The following EXOC6 variants were observed in gnomAD, a reference collection of about 807,000 sequenced individuals.
EXOC6 encodes the protein SEC15-like 1.
A neutral mutation model predicts 112.5 loss-of-function variants in EXOC6; 60 were observed. That is an observed-to-expected ratio of 0.53 (90% CI 0.43 to 0.66). The LOEUF (loss-of-function observed/expected upper bound fraction) is 0.66, where lower values mean the gene tolerates loss of function less well. Ranked by LOEUF, EXOC6 falls within the 30% of genes least tolerant of loss-of-function variation. The probability of loss-of-function intolerance (pLI) is 0.00; values close to 1 mark genes in which losing one functional copy is unlikely to be tolerated. For missense variants in EXOC6, 855 were observed against 957.1 expected, an observed-to-expected ratio of 0.89 and a Z score of 1.41; for synonymous variants, 295 against 308.0, an observed-to-expected ratio of 0.96 and a Z score of 0.44.
intron 8 of EXOC6, among the ~76,000 whole-genome samples, chr10:92,926,564 T>C (rs1851736224): frequency 1.3e-5 from 2 of 151,976 alleles, no homozygotes; most frequent in East Asian, 1.9e-4. Flanking sequence ...GATGAGGTCT[T>C]ACTCTGTTGC....
intron 19 of EXOC6, among the ~76,000 whole-genome samples, chr10:93,008,243 T>G (rs1361057889): frequency 5.9e-5 from 9 of 152,160 alleles, no homozygotes; most frequent in Admixed American, 3.3e-4. Flanking sequence ...ATGAATATCC[T>G]GAAGTTATTT....
chr10:92,988,833 ACACACACG>A (rs1414008915), intron 18 of EXOC6, among the ~76,000 whole-genome samples: 1 of 144,862 alleles, frequency 6.9e-6, no homozygotes, highest in Non-Finnish European at 1.5e-5. Flanking sequence ...ACACACACAC[ACACACACG>A]CATTTCTGAC....
chr10:93,016,843 G>A (rs188366448), intron 20 of EXOC6, among the ~76,000 whole-genome samples: 1 of 148,392 alleles, frequency 6.7e-6, no homozygotes, highest in Non-Finnish European at 1.5e-5. Flanking sequence ...ATGGCGTCTC[G>A]CTCTTGTCAC....
At chr10:92,897,597 G>A (rs1022875706) in intron 4 of EXOC6, among the ~76,000 whole-genome samples, 4 of 152,288 alleles carry the variant, frequency 2.6e-5, no homozygotes, top group East Asian at 1.9e-4. Context: ...TTTGCCCACT[G>A]GAAATTCCTT....
At chr10:92,902,273 T>G (rs1015265599) in intron 5 of EXOC6, among the ~76,000 whole-genome samples, 1 of 152,160 alleles carries the variant, frequency 6.6e-6, no homozygotes, top group Non-Finnish European at 1.5e-5. Flanking sequence ...TCTCATAATA[T>G]CCTTAAGCAT....
intron 18 of EXOC6, among the ~76,000 whole-genome samples, chr10:92,996,487 G>A (rs1035022233): frequency 6.6e-6 from 1 of 151,984 alleles, no homozygotes; most frequent in Non-Finnish European, 1.5e-5. Context: ...CGTGGTGGTG[G>A]GCACCTGTAG....
At chr10:92,905,657 A>AT (rs1486935005) in intron 5 of EXOC6, among the ~76,000 whole-genome samples, 1 of 151,958 alleles carries the variant, frequency 6.6e-6, no homozygotes, top group Non-Finnish European at 1.5e-5. Flanking sequence ...CCTTGTTCTT[A>AT]ATCTCATGGG....
intron 5 of EXOC6, among the ~76,000 whole-genome samples, chr10:92,906,567 G>A (rs940652941): frequency 6.6e-6 from 1 of 152,172 alleles, no homozygotes; most frequent in Non-Finnish European, 1.5e-5. Context: ...CACCTTGTCA[G>A]AGGTTTAACA....
At chr10:92,963,532 A>ATTT (rs5787026) in intron 17 of EXOC6, among the ~76,000 whole-genome samples, 12 of 141,372 alleles carry the variant, frequency 8.5e-5, no homozygotes, top group African/African-American at 2.3e-4. Flanking sequence ...ATAAAGAGCA[A>ATTT]TTTTTTTTTT....
upstream of EXOC6, among the ~76,000 whole-genome samples, chr10:92,847,089 G>C (rs1847078715): frequency 1.3e-5 from 2 of 152,200 alleles, no homozygotes; most frequent in Non-Finnish European, 2.9e-5. Flanking sequence ...AAGGAACACA[G>C]ACATGCTGAC....
At position 92,987,636 on chromosome 10, in the gene EXOC6, C is replaced by T. The variant is rs1843061502; in HGVS notation, c.1954-9838C>T. 3.0e-6 allele frequency: 3 copies of T among 984,794 alleles called. No individual in the cohort carries two copies. In the Admixed American group the frequency reaches 1.8e-4, roughly 61 times the overall value. The allele number at this position is 984,794 out of a possible 1,614,324, so 61.0% of individuals were successfully genotyped here. ...AGACTAACAACAATGATCATGCAGC[C>T]ATGTCGGTAAGTAGATATAAACTAA... On this transcript the variant is annotated intron_variant, in intron 18 of 21. Coordinates refer to ENST00000260762, the MANE Select transcript of EXOC6 (RefSeq NM_019053.6).
intron 17 of EXOC6, among the ~76,000 whole-genome samples, chr10:92,971,114 C>T (rs374350865): frequency 2.0e-5 from 3 of 152,050 alleles, no homozygotes; most frequent in South Asian, 2.1e-4. Flanking sequence ...TGAAGTGGCG[C>T]GATCTCGGCT....
At chr10:92,994,673 G>A (rs1047938225) in intron 18 of EXOC6, among the ~76,000 whole-genome samples, 6 of 151,856 alleles carry the variant, frequency 4.0e-5, no homozygotes, top group Non-Finnish European at 2.9e-5. Flanking sequence ...AAACTAGAGC[G>A]TCTCTAATGA....
intron 17 of EXOC6, among the ~76,000 whole-genome samples, chr10:92,968,519 A>T (rs1174212768): frequency 6.6e-6 from 1 of 152,142 alleles, no homozygotes; most frequent in Non-Finnish European, 1.5e-5. Flanking sequence ...TTAATGTTTA[A>T]TACCCATTTT....
At chr10:92,827,290 A>G (rs907420671) in intron 1 of EXOC6, among the ~76,000 whole-genome samples, 1 of 151,624 alleles carries the variant, frequency 6.6e-6, no homozygotes, top group Admixed American at 6.6e-5. Flanking sequence ...CCTGGGCAAC[A>G]TGGAGGAATC....
intron 6 of EXOC6, among the ~76,000 whole-genome samples, chr10:92,914,915 C>T (rs1414812229): frequency 6.6e-6 from 1 of 152,156 alleles, no homozygotes; most frequent in Non-Finnish European, 1.5e-5. Flanking sequence ...ATATTTTTTT[C>T]TATTTCTGGT....
intron 17 of EXOC6, among the ~76,000 whole-genome samples, chr10:92,971,778 T>G (rs1842308412): frequency 6.6e-6 from 1 of 152,252 alleles, no homozygotes; most frequent in Admixed American, 6.5e-5. Flanking sequence ...TTTTGTCTTA[T>G]AAGTTCAACA....
chr10:92,895,292 C>T lies in EXOC6; in HGVS notation c.412+272C>T, dbSNP rs953675203. The stretch of plus-strand genomic sequence containing the variant: ...TTTTGGCCTCTTTTGCCTTTTGTCC[C>T]CCATAACCCTTTTTTGTTTTTCCTC... On this transcript the variant is annotated intron_variant, in intron 4 of 21. Coordinates refer to ENST00000260762, the MANE Select transcript of EXOC6 (RefSeq NM_019053.6). Among the ~76,000 whole-genome samples the T allele has an allele frequency of 2.1e-5, 3 of 145,530 alleles. No homozygotes were observed. The Admixed American group carries it at 2.1e-4, about 10-fold the overall frequency.
chr10:92,936,090 G>T (rs1852322528), intron 12 of EXOC6, among the ~76,000 whole-genome samples: 1 of 152,122 alleles, frequency 6.6e-6, no homozygotes, highest in Non-Finnish European at 1.5e-5. Flanking sequence ...ACTCAGGGAT[G>T]CTACCATCTT....
Sources: allele counts gnomAD v4.1 joint callset (sites outside exome capture counted in the v4.1 genomes callset), GRCh38; gene constraint gnomAD v4.1.1; transcripts MANE v1.5; gene names NCBI Gene and HGNC (gene_info 2026-07-23, HGNC 2026-07-21).